The following NPC1L1 variants were observed in gnomAD, a reference collection of about 807,000 sequenced individuals.
NPC1L1 encodes NPC1 like intracellular cholesterol transporter 1, also known as NPC1-like intracellular cholesterol transporter 1.
NPC1L1 carries 98 observed loss-of-function variants against 117.0 expected under a neutral mutation model. The ratio of observed to expected loss-of-function variants is 0.84; its 90% confidence interval spans 0.71 to 0.99. NPC1L1 has a LOEUF of 0.99. NPC1L1 is among the 50% of genes least tolerant of loss of function. The pLI is 0.00. For missense variants in NPC1L1, 1,540 were observed against 1,710.0 expected (o/e 0.90, Z 1.75); for synonymous variants, 729 against 727.6 (o/e 1.00, Z -0.03).
intron 18 of NPC1L1, 43 bp from the exon 19 acceptor site, chr7:44,513,692 G>A: frequency 1.3e-6 from 2 of 1,597,874 alleles, no homozygotes; most frequent in Non-Finnish European, 1.7e-6. Context: ...GTGGGCAGGG[G>A]ACACAGGTGA....
At chr7:44,525,089 C>T (rs533714828) in intron 10 of NPC1L1, among the ~76,000 whole-genome samples, 12 of 151,816 alleles carry the variant, frequency 7.9e-5, no homozygotes, top group African/African-American at 2.7e-4. Context: ...ATCAAATAGA[C>T]CAAAATATGA....
chr7:44,522,555 T>C (rs1801395102), intron 10 of NPC1L1, among the ~76,000 whole-genome samples: 1 of 151,904 alleles, frequency 6.6e-6, no homozygotes, highest in Non-Finnish European at 1.5e-5. Flanking sequence ...ACACACAAGG[T>C]ACATATAGAG....
chr7:44,536,447 A>G lies in NPC1L1; in HGVS notation c.1682-19T>C, dbSNP rs1228526664. On this transcript the variant is annotated intron_variant, in intron 3 of 18. Coordinates refer to ENST00000381160, the MANE Select transcript of NPC1L1 (RefSeq NM_001101648.2). The surrounding 1 kb of genome is among the most constrained non-coding windows in gnomAD (Gnocchi z 4.7). ...TCCTTTCCTGGGATAAGAAATACTC[A>G]GACCCTTCCTGCTGCACCCGTGCCT... is the stretch of plus-strand genomic sequence containing the variant. 1.2e-6 allele frequency: 2 copies of G among 1,607,654 alleles called. No individual in the cohort carries two copies. The highest frequency in any genetic ancestry group is 1.7e-5 in the Admixed American group (1 of 59,994).
At chr7:44,531,356 T>C (rs1036732772) in intron 10 of NPC1L1, among the ~76,000 whole-genome samples, 1 of 152,172 alleles carries the variant, frequency 6.6e-6, no homozygotes, top group African/African-American at 2.4e-5. Flanking sequence ...GCAAATCCTA[T>C]GTGACCTTGG....
intron 18 of NPC1L1, among the ~76,000 whole-genome samples, chr7:44,514,848 A>AAAAT: frequency 6.6e-6 from 1 of 151,908 alleles, no homozygotes; most frequent in South Asian, 2.1e-4. Context: ...CTAAAAATAA[A>AAAAT]AAATAAATAA....
rs1429803260 is a variant in NPC1L1, at chr7:44,539,850, G to A, written c.547C>T (p.Leu183=). ...ACGCCACACATGGTGCCCACAGCCA[G>A]CGTGGCAGCTGCAGGGACGCGCACA... ...SRVRVPAAAT[L]AVGTMCGVYG... is the part of the protein sequence containing the mutation. Residue 183 remains leucine (L), a synonymous_variant, in exon 2 of 19, where the codon CTG becomes TTG. Transcript: ENST00000381160. The surrounding 1 kb of genome is among the most constrained non-coding windows in gnomAD (Gnocchi z 4.4). 5 of 1,614,002 alleles carry A rather than the reference G, an allele frequency of 3.1e-6. No individual in the cohort carries two copies. The highest frequency in any genetic ancestry group is 2.7e-5 in the African/African-American group (2 of 74,942).
chr7:44,520,711 G>C lies in NPC1L1; in HGVS notation c.3136+54C>G, dbSNP rs1801325914. ...CAGGCTGTTCCCTGGGGTTTTCGGG[G>C]GCCCTCCAGAGCAACCGATTTATGT... is the stretch of plus-strand genomic sequence containing the variant. On this transcript the variant is annotated intron_variant, in intron 14 of 18. Transcript: ENST00000381160. The C allele has an allele frequency of 1.6e-5, 24 of 1,498,868 alleles. No individual in the cohort carries two copies. In the South Asian group the frequency reaches 2.1e-4, roughly 13 times the overall value. 92.8% of individuals were successfully genotyped at this position (1,498,868 alleles called of 1,614,324 possible).
At chr7:44,517,158 C>T in intron 15 of NPC1L1, 49 bp downstream of exon 15, 1 of 1,613,148 alleles carries the variant, frequency 6.2e-7, no homozygotes, top group Non-Finnish European at 8.5e-7. Context: ...CCTCCAGTCT[C>T]CAGCAACCAT....
At chr7:44,518,055 C>A (rs1285369102) in intron 14 of NPC1L1, among the ~76,000 whole-genome samples, 4 of 150,644 alleles carry the variant, frequency 2.7e-5, no homozygotes, top group African/African-American at 9.8e-5. Flanking sequence ...GCAGAGGCTG[C>A]AGTGAGCTGA....
In NPC1L1 at chr7:44,514,830, C is replaced by T. The variant is rs183338612; in HGVS notation, c.3796+973G>A. Among the ~76,000 whole-genome samples, 347 of 151,718 alleles carry T rather than the reference C, an allele frequency of 2.3e-3. 1 individual carries two copies. The Middle Eastern group carries it at 0.024, about 10-fold the overall frequency. ...CAGCCTGCCCAACATGGTGAAACCCCGTCTCTACTAAAAATAAAAAATAAA... is the reference window on the plus strand; with the variant it reads ...CAGCCTGCCCAACATGGTGAAACCCTGTCTCTACTAAAAATAAAAAATAAA... On this transcript the variant is annotated intron_variant, in intron 18 of 18. Transcript: ENST00000381160.
chr7:44,517,044 G>T, intron 15 of NPC1L1, 110 bp from the exon 16 acceptor site: 2 of 1,434,572 alleles, frequency 1.4e-6, no homozygotes, highest in African/African-American at 1.4e-5. Context: ...GCTTATATTG[G>T]GGTACAAACC....
chr7:44,523,804 C>G (rs967862722), intron 10 of NPC1L1, among the ~76,000 whole-genome samples: 3 of 152,194 alleles, frequency 2.0e-5, no homozygotes, highest in Admixed American at 1.3e-4. Flanking sequence ...AAGTTTGCTG[C>G]TGCAGTGACC....
rs1801962525 is a variant in NPC1L1, at chr7:44,538,315, T to A, written c.1580+502A>T. 6.6e-6 allele frequency among the ~76,000 whole-genome samples: 1 copy of A among 152,220 alleles called. No individual in the cohort carries two copies. The highest frequency in any genetic ancestry group is 2.4e-5 in the African/African-American group (1 of 41,460). ...CAATCAATAGAAGTGTGTGTGGCTGTGGCCTACCCCAGGACACCCGGCCCA... is the reference window on the plus strand; with the variant it reads ...CAATCAATAGAAGTGTGTGTGGCTGAGGCCTACCCCAGGACACCCGGCCCA... On this transcript the variant is annotated intron_variant, in intron 2 of 18. Transcript: ENST00000381160. This position sits in a 1 kb window ranked among gnomAD's most constrained non-coding sequence, Gnocchi z 5.9.
chr7:44,535,018 G>A (rs897509795), intron 5 of NPC1L1, among the ~76,000 whole-genome samples: 32 of 152,086 alleles, frequency 2.1e-4, no homozygotes, highest in Admixed American at 1.3e-3. Context: ...AGAATCACTT[G>A]AGCCCAGGAG....
In NPC1L1 at chr7:44,515,937, A is replaced by C; in HGVS notation, c.3662T>G (p.Leu1221Arg). ...AVFAGVAMTN[L>R]PGILVLGLAK... The stretch of plus-strand genomic sequence containing the variant: ...GAGGCCCAGGACAAGGATGCCAGGC[A>C]GGTTGGTCATGGCCACACCTGCAAA... The change falls in exon 18 of 19, where the codon CTG becomes CGG. Residue 1221 changes from leucine to arginine, a missense_variant. Physicochemically the swap from Leu to Arg is moderately radical, Grantham distance 102. Coordinates refer to ENST00000381160, the MANE Select transcript of NPC1L1 (RefSeq NM_001101648.2). 6.2e-7 allele frequency: 1 copy of C among 1,614,114 alleles called. No individual in the cohort carries two copies.
intron 14 of NPC1L1, among the ~76,000 whole-genome samples, chr7:44,519,099 G>T (rs927008641): frequency 6.7e-6 from 1 of 150,202 alleles, no homozygotes; most frequent in African/African-American, 2.5e-5. Flanking sequence ...TGCCCAGGCT[G>T]GTCTCAGACA....
At chr7:44,520,001 C>T (rs928048088) in intron 14 of NPC1L1, among the ~76,000 whole-genome samples, 4 of 151,994 alleles carry the variant, frequency 2.6e-5, no homozygotes, top group African/African-American at 4.8e-5. Context: ...TAGAGGAGGC[C>T]GGGCACAGTG....
rs755858406 is a variant in NPC1L1, at chr7:44,534,673, C to G, written c.1984-44G>C. 4 of 1,601,704 alleles carry G rather than the reference C, an allele frequency of 2.5e-6. No homozygotes were observed. In the East Asian group the frequency reaches 8.9e-5, roughly 36 times the overall value. ...CAGCCCCCTAGCCACTTAGCACCTA[C>G]CCAGTATGCCCACCAGCCTCAGCTA... On this transcript the variant is annotated intron_variant, in intron 5 of 18. Coordinates refer to ENST00000381160, the MANE Select transcript of NPC1L1 (RefSeq NM_001101648.2). The surrounding 1 kb of genome is among the most constrained non-coding windows in gnomAD (Gnocchi z 5.2).
At chr7:44,518,573 G>A in intron 14 of NPC1L1, 1 of 413,164 alleles carries the variant, frequency 2.4e-6, no homozygotes, top group Non-Finnish European at 4.5e-6. Context: ...GGAGGCTGAG[G>A]CAGGAGAATT....
Sources: allele counts gnomAD v4.1 joint callset (sites outside exome capture counted in the v4.1 genomes callset), GRCh38; gene constraint gnomAD v4.1.1; non-coding constraint Gnocchi (gnomAD v3.1); transcripts MANE v1.5; gene names NCBI Gene and HGNC (gene_info 2026-07-23, HGNC 2026-07-21).